Variants in SEMA6D observed in about 807,000 individuals in gnomAD.
SEMA6D encodes semaphorin-6D.
Under a neutral mutation model 106.6 loss-of-function variants are expected in SEMA6D, and 35 were observed. That is an observed-to-expected ratio of 0.33 (90% CI 0.25 to 0.44). The LOEUF is 0.44. Among genes scored for constraint, SEMA6D ranks in the 20% least tolerant of loss-of-function variants. The pLI is 1.00. For synonymous variants in SEMA6D, 499 were observed against 487.7 expected, an observed-to-expected ratio of 1.02 and a Z score of -0.31; for missense variants, 1,185 against 1,345.9, an observed-to-expected ratio of 0.88 and a Z score of 1.87.
At chr15:47,370,434 G>C (rs1333307568) in intron 1 of SEMA6D, among the ~76,000 whole-genome samples, 1 of 152,084 alleles carries the variant, frequency 6.6e-6, no homozygotes, top group Non-Finnish European at 1.5e-5. Flanking sequence ...AGGATGGCTT[G>C]AGCGTGGGAG....
intron 1 of SEMA6D, chr15:47,274,773 C>T (rs1455696076): frequency 1.3e-5 from 2 of 152,308 alleles, no homozygotes; most frequent in East Asian, 3.8e-4. Flanking sequence ...TCTATCACAC[C>T]TCCCTCTCCA....
chr15:47,591,325 C>T (rs2076434606), intron 3 of SEMA6D, among the ~76,000 whole-genome samples: 2 of 152,160 alleles, frequency 1.3e-5, no homozygotes, highest in African/African-American at 4.8e-5. Flanking sequence ...TCAGTTCCAA[C>T]ATTAAATTTG....
At chr15:47,342,266 C>T (rs1443854441) in intron 1 of SEMA6D, among the ~76,000 whole-genome samples, 1 of 152,192 alleles carries the variant, frequency 6.6e-6, no homozygotes, top group African/African-American at 2.4e-5. Flanking sequence ...GTTGCCTGCA[C>T]TGCAGCAGGG....
chr15:47,679,585 T>C (rs934998767), intron 4 of SEMA6D, among the ~76,000 whole-genome samples: 1 of 136,290 alleles, frequency 7.3e-6, no homozygotes, highest in Non-Finnish European at 1.7e-5. Context: ...GCAATACCCT[T>C]TTTTTGTTTG....
At chr15:47,586,295 TA>T (rs1052550379) in intron 3 of SEMA6D, among the ~76,000 whole-genome samples, 5 of 152,166 alleles carry the variant, frequency 3.3e-5, no homozygotes, top group Admixed American at 6.5e-5. Flanking sequence ...CAAGAAGTGA[TA>T]GGGGCCTATT....
chr15:47,558,473 A>T (rs2045978502), intron 3 of SEMA6D, among the ~76,000 whole-genome samples: 1 of 152,022 alleles, frequency 6.6e-6, no homozygotes, highest in Non-Finnish European at 1.5e-5. Context: ...GAAGGAGAGA[A>T]TCATGAAGGG....
chr15:47,570,627 C>T (rs2046355881), intron 3 of SEMA6D, among the ~76,000 whole-genome samples: 1 of 152,160 alleles, frequency 6.6e-6, no homozygotes, highest in Non-Finnish European at 1.5e-5. Flanking sequence ...GCTGGTCAGC[C>T]CCAGTGCTGC....
intron 1 of SEMA6D, among the ~76,000 whole-genome samples, chr15:47,721,747 A>T (rs1443045298): frequency 6.6e-6 from 1 of 152,226 alleles, no homozygotes; most frequent in African/African-American, 2.4e-5. Flanking sequence ...CACAGATACC[A>T]CATGAGGTGT....
At chr15:47,753,053 T>G in intron 1 of SEMA6D, among the ~76,000 whole-genome samples, 1 of 150,492 alleles carries the variant, frequency 6.6e-6, no homozygotes, top group East Asian at 2.0e-4. Flanking sequence ...TATTTGGCAA[T>G]GGGAAAGGAG....
At chr15:47,669,798 G>A (rs2078104193) in intron 4 of SEMA6D, among the ~76,000 whole-genome samples, 1 of 152,218 alleles carries the variant, frequency 6.6e-6, no homozygotes, top group East Asian at 1.9e-4. Flanking sequence ...CTTCTCATGT[G>A]GTCTACAACA....
intron 4 of SEMA6D, among the ~76,000 whole-genome samples, chr15:47,634,576 C>G (rs1443338178): frequency 2.6e-5 from 4 of 152,186 alleles, no homozygotes; most frequent in African/African-American, 7.2e-5. Flanking sequence ...TAGCTTCCCA[C>G]TGCACCCTGT....
At chr15:47,200,125 C>T (rs966084690) in intron 1 of SEMA6D, among the ~76,000 whole-genome samples, 1 of 152,018 alleles carries the variant, frequency 6.6e-6, no homozygotes, top group African/African-American at 2.4e-5. Flanking sequence ...GATTACTCAA[C>T]AAAGGAACAC....
At chr15:47,455,624 G>T (rs1358885430) in intron 2 of SEMA6D, among the ~76,000 whole-genome samples, 1 of 151,934 alleles carries the variant, frequency 6.6e-6, no homozygotes, top group African/African-American at 2.4e-5. Context: ...AAAGGTTGAG[G>T]TCAGGCCTGG....
intron 1 of SEMA6D, among the ~76,000 whole-genome samples, chr15:47,294,069 C>T (rs2035702308): frequency 6.6e-6 from 1 of 151,984 alleles, no homozygotes; most frequent in African/African-American, 2.4e-5. Flanking sequence ...TTCTTAAGAA[C>T]TGCCTGAAAA....
intron 1 of SEMA6D, among the ~76,000 whole-genome samples, chr15:47,186,821 C>A (rs1893608650): frequency 6.6e-6 from 1 of 152,188 alleles, no homozygotes; most frequent in Non-Finnish European, 1.5e-5. Flanking sequence ...AGTCTCCAGA[C>A]TCCAAATTCT....
chr15:47,438,073 T>C (rs560754476), intron 2 of SEMA6D, among the ~76,000 whole-genome samples: 5 of 152,278 alleles, frequency 3.3e-5, no homozygotes, highest in Admixed American at 3.3e-4. Context: ...ATTTCCGATA[T>C]TTCCCACAAA....
At chr15:47,765,303 A>G in intron 13 of SEMA6D, 1 of 1,268,484 alleles carries the variant, frequency 7.9e-7, no homozygotes, top group South Asian at 2.0e-5. Flanking sequence ...GAATATGAGA[A>G]CATTTTAACA....
chr15:47,423,480 A>G (rs1267938228), intron 2 of SEMA6D, among the ~76,000 whole-genome samples: 3 of 152,086 alleles, frequency 2.0e-5, no homozygotes, highest in South Asian at 4.1e-4. Flanking sequence ...TTAATAACAT[A>G]CTTGATAGCC....
intron 1 of SEMA6D, among the ~76,000 whole-genome samples, chr15:47,753,065 A>G (rs1281195217): frequency 6.6e-6 from 1 of 152,028 alleles, no homozygotes; most frequent in Non-Finnish European, 1.5e-5. Flanking sequence ...GGAAAGGAGA[A>G]AACTGAGGAA....
Sources: allele counts gnomAD v4.1 joint callset (sites outside exome capture counted in the v4.1 genomes callset), GRCh38; gene constraint gnomAD v4.1.1; transcripts MANE v1.5; gene names NCBI Gene and HGNC (gene_info 2026-07-23, HGNC 2026-07-21).